CARF: variants seen among roughly 807,000 people sequenced by gnomAD.
The protein encoded by CARF is calcium responsive transcription factor.
In CARF, 57 loss-of-function variants were observed where a neutral mutation model predicts 82.0. That is an observed-to-expected ratio of 0.70 (90% CI 0.56 to 0.87). The LOEUF is 0.87. Ranked by LOEUF, CARF falls within the 40% of genes least tolerant of loss-of-function variation. The pLI is 0.00. For synonymous variants in CARF, 268 were observed against 290.1 expected (o/e 0.92, Z 0.77); for missense variants, 771 against 855.8 (o/e 0.90, Z 1.24).
At chr2:202,974,622 G>A (rs780488317) in intron 13 of CARF, 126 bp downstream of exon 13, 275 of 858,516 alleles carry the variant, frequency 3.2e-4, no homozygotes, top group Non-Finnish European at 4.5e-4. Context: ...CAATAGGCCG[G>A]GCGTGGTGGC....
intron 5 of CARF, among the ~76,000 whole-genome samples, chr2:202,949,516 TTTA>T (rs201031888): frequency 0.2 from 18,494 of 90,874 alleles, 1,273 homozygotes; most frequent in East Asian, 0.25. Context: ...TTGTTATTTA[TTTA>T]TTATTATTAT....
At chr2:202,917,540 A>G (rs1689972961) in intron 1 of CARF, among the ~76,000 whole-genome samples, 2 of 152,200 alleles carry the variant, frequency 1.3e-5, no homozygotes, top group Non-Finnish European at 2.9e-5. Flanking sequence ...TGTGGCTCCA[A>G]AAGATACCCT....
chr2:202,930,180 C>T (rs1013337708), intron 3 of CARF, among the ~76,000 whole-genome samples: 67 of 152,048 alleles, frequency 4.4e-4, no homozygotes, highest in Admixed American at 4.3e-3. Context: ...CCTGAATAGC[C>T]GGAATTATAG....
At chr2:202,965,476 T>G (rs2059509288) in intron 9 of CARF, among the ~76,000 whole-genome samples, 1 of 152,212 alleles carries the variant, frequency 6.6e-6, no homozygotes, top group Non-Finnish European at 1.5e-5. Flanking sequence ...ATCTTTTTCT[T>G]TGTTCATTTA....
chr2:202,938,263 T>C (rs758879806), intron 3 of CARF: 4 of 152,026 alleles, frequency 2.6e-5, no homozygotes, highest in Non-Finnish European at 5.9e-5. Context: ...TTTATTATGA[T>C]TCTTTTTGAG....
intron 10 of CARF, 51 bp from the exon 11 acceptor site, chr2:202,969,868 A>G (rs954397872): frequency 5.9e-6 from 7 of 1,184,200 alleles, no homozygotes; most frequent in Non-Finnish European, 6.9e-6. Context: ...AAGATAGATT[A>G]TCTTGAGATT....
At chr2:202,977,398 T>G in intron 14 of CARF, 66 bp downstream of exon 14, 1 of 1,204,392 alleles carries the variant, frequency 8.3e-7, no homozygotes, top group Non-Finnish European at 1.2e-6. Context: ...GAACTTAAGA[T>G]ATTATCTCAT....
rs777897565 is a variant in CARF, at chr2:202,982,058, T to C, written c.1690-14T>C. The stretch of plus-strand genomic sequence containing the variant: ...AAATTCAAACATTTTGATGTACTCT[T>C]TTTGGTTTAAAAGGGTTTGCAGTTA... On this transcript the variant is annotated splice_polypyrimidine_tract_variant and intron_variant, in intron 15 of 16. Coordinates refer to ENST00000438828, the MANE Select transcript of CARF (RefSeq NM_024744.17). The C allele has an allele frequency of 6.2e-7, 1 of 1,607,222 alleles. No individual in the cohort carries two copies. Among genetic ancestry groups the C allele is most frequent in the Admixed American group, 1.7e-5 (1 of 57,626 alleles).
At chr2:202,927,145 G>A (rs1258800801) in intron 3 of CARF, among the ~76,000 whole-genome samples, 2 of 151,976 alleles carry the variant, frequency 1.3e-5, no homozygotes, top group Non-Finnish European at 2.9e-5. Flanking sequence ...TTCTTTCTCT[G>A]GAGGCCTGTC....
At chr2:202,947,764 G>A (rs1027914215) in intron 5 of CARF, among the ~76,000 whole-genome samples, 1 of 152,218 alleles carries the variant, frequency 6.6e-6, no homozygotes, top group African/African-American at 2.4e-5. Context: ...ACCTTTGTCA[G>A]ATGTATAGTT....
intron 3 of CARF, among the ~76,000 whole-genome samples, chr2:202,931,213 C>T (rs1393970410): frequency 1.3e-5 from 2 of 152,094 alleles, no homozygotes; most frequent in African/African-American, 4.8e-5. Context: ...CTTAGGTTAT[C>T]CGCCTGCCTT....
chr2:202,955,805 C>A, intron 8 of CARF, 47 bp downstream of exon 8: 1 of 1,437,232 alleles, frequency 7.0e-7, no homozygotes, highest in Non-Finnish European at 9.7e-7. Flanking sequence ...CTGATTATAA[C>A]CACAGGTCAT....
intron 13 of CARF, among the ~76,000 whole-genome samples, chr2:202,975,598 A>C (rs980951736): frequency 2.0e-5 from 3 of 152,168 alleles, no homozygotes; most frequent in Non-Finnish European, 4.4e-5. Context: ...CTGAGACTTC[A>C]TCTGAAAAAC....
In CARF at chr2:202,954,091, C is replaced by A; in HGVS notation, c.514C>A (p.His172Asn). The A allele has an allele frequency of 1.2e-6, 2 of 1,613,470 alleles. No homozygotes were observed. The highest frequency in any genetic ancestry group is 1.7e-6 in the Non-Finnish European group (2 of 1,179,742). The change falls in exon 7 of 17, where the codon CAT (histidine) becomes AAT (asparagine). Residue 172 changes from histidine (H) to asparagine (N), a missense_variant. His to Asn is a moderately conservative substitution (Grantham distance 68). Coordinates refer to ENST00000438828, the MANE Select transcript of CARF (RefSeq NM_024744.17). ...AGACAATACCAGCAATTACATTCTT[C>A]ATCCTCAAACATCCTTCCCATTGCC... ...LADNTSNYIL[H>N]PQTSFPLPKK...
At chr2:202,953,306 T>C (rs961734595) in intron 6 of CARF, among the ~76,000 whole-genome samples, 1 of 151,888 alleles carries the variant, frequency 6.6e-6, no homozygotes, top group African/African-American at 2.4e-5. Flanking sequence ...GTGAGCCACT[T>C]CGCCCAGCCA....
At chr2:202,975,772 C>T (rs1021982840) in intron 13 of CARF, among the ~76,000 whole-genome samples, 2 of 152,148 alleles carry the variant, frequency 1.3e-5, no homozygotes, top group African/African-American at 2.4e-5. Flanking sequence ...GGGCTGGGCG[C>T]GTTGGCTCAT....
chr2:202,964,290 GTTTT>G (rs918447295), intron 9 of CARF, among the ~76,000 whole-genome samples: 4 of 151,716 alleles, frequency 2.6e-5, no homozygotes, highest in African/African-American at 9.7e-5. Context: ...TTGTTTGTTT[GTTTT>G]TTTGAGTCGG....
In CARF at chr2:202,974,349, G is replaced by A; in HGVS notation, c.1347G>A (p.Arg449=). 1 of 1,582,378 alleles carries A rather than the reference G, an allele frequency of 6.3e-7. No homozygotes were observed. ...VRKQLRKFVE[R]ELFKPDEVPE... ...TTCTTTACAGAAAATTTGTGGAAAG[G>A]GAACTGTTCAAACCCGATGAGGTAC... The change falls in exon 13 of 17, where the codon AGG becomes AGA. Residue 449 remains arginine, a synonymous_variant. Transcript: ENST00000438828.
intron 5 of CARF, among the ~76,000 whole-genome samples, 197 bp downstream of exon 5, chr2:202,943,164 C>T (rs1190742604): frequency 1.3e-5 from 2 of 152,096 alleles, no homozygotes; most frequent in Non-Finnish European, 2.9e-5. Context: ...CTCTGCCTTC[C>T]GAGTTCAAGC....
Sources: gnomAD v4.1 joint callset for allele counts (sites outside exome capture counted in the v4.1 genomes callset) on GRCh38, gnomAD v4.1.1 for gene constraint, MANE v1.5 for transcripts, NCBI Gene and HGNC (gene_info 2026-07-23, HGNC 2026-07-21) for gene names.